Variants in CD1B observed in about 807,000 individuals in gnomAD.
CD1B encodes T-cell surface glycoprotein CD1b.
CD1B carries 43 observed loss-of-function variants against 39.8 expected under a neutral mutation model. The observed-to-expected ratio is 1.08, with a 90% CI of 0.85 to 1.39. The LOEUF is 1.39. Ranked by LOEUF, CD1B falls within the 40% of genes most tolerant of loss-of-function variation. CD1B has a pLI of 0.00. For synonymous variants in CD1B, 192 were observed against 152.5 expected, an observed-to-expected ratio of 1.26 and a Z score of -1.91; for missense variants, 495 against 403.8, an observed-to-expected ratio of 1.23 and a Z score of -1.94.
the CD1B span, chr1:158,293,343 T>C: frequency 6.3e-7 from 1 of 1,596,846 alleles, no homozygotes; most frequent in Non-Finnish European, 8.6e-7. Flanking sequence ...CAGTTTCTTA[T>C]TTCACATTCC....
the CD1B span, among the ~76,000 whole-genome samples, chr1:158,288,925 A>T: frequency 1.3e-5 from 2 of 152,256 alleles, no homozygotes; most frequent in Non-Finnish European, 2.9e-5. Flanking sequence ...TGTTTTGGTC[A>T]GATCACAAAA....
the CD1B span, among the ~76,000 whole-genome samples, chr1:158,289,302 T>C: frequency 9.9e-5 from 15 of 152,228 alleles, no homozygotes. Context: ...ATCAACCATG[T>C]ACTATGTAAT....
chr1:158,316,230 C>T, the CD1B span, among the ~76,000 whole-genome samples: 2 of 152,020 alleles, frequency 1.3e-5, no homozygotes, highest in African/African-American at 4.8e-5. Context: ...GGCATTGAAT[C>T]TGTAAATTAC....
the CD1B span, among the ~76,000 whole-genome samples, chr1:158,301,691 C>T: frequency 3.3e-5 from 5 of 152,076 alleles, no homozygotes; most frequent in Admixed American, 6.5e-5. Context: ...TTGTGGAACC[C>T]GACTTTTCTT....
the CD1B span, among the ~76,000 whole-genome samples, chr1:158,317,299 T>A: frequency 6.6e-6 from 1 of 152,188 alleles, no homozygotes; most frequent in Non-Finnish European, 1.5e-5. Flanking sequence ...TCCTGGACTC[T>A]TTTTTGTTGG....
the CD1B span, among the ~76,000 whole-genome samples, chr1:158,306,472 A>T: frequency 1.3e-4 from 20 of 152,144 alleles, no homozygotes; most frequent in Admixed American, 1.3e-3. Context: ...CTCCCACACA[A>T]TAATAATGGG....
At position 158,329,465 on chromosome 1, in the gene CD1B, C is replaced by G. The variant is rs753418157; in HGVS notation, c.791G>C (p.Arg264Pro). The change falls in exon 4 of 6, where the codon CGA becomes CCA. Residue 264 changes from arginine (R) to proline (P), a missense_variant. Arg to Pro is a moderately radical substitution (Grantham distance 103). Transcript: ENST00000368168. ...LPNANWTWYL[R>P]ATLDVADGEA... ...CCCATCTGCCACATCCAGGGTTGCT[C>G]GGAGATACCATGTCCAGTTAGCATT... 1 of 1,614,146 alleles carries G rather than the reference C, an allele frequency of 6.2e-7. No individual in the cohort carries two copies. Among genetic ancestry groups the G allele is most frequent in the Non-Finnish European group, 8.5e-7 (1 of 1,180,018 alleles).
the CD1B span, among the ~76,000 whole-genome samples, chr1:158,315,400 A>T: frequency 6.6e-6 from 1 of 151,766 alleles, no homozygotes; most frequent in Admixed American, 6.6e-5. Context: ...CATTTCTCTG[A>T]TGGCCAGTGA....
At chr1:158,293,648 C>A in the CD1B span, 2 of 1,495,980 alleles carry the variant, frequency 1.3e-6, no homozygotes, top group East Asian at 2.4e-5. Flanking sequence ...CTTGGAATCT[C>A]CACTTTTTAT....
chr1:158,329,985 C>G lies in CD1B; in HGVS notation c.474G>C (p.Arg158Ser). The G allele has an allele frequency of 6.2e-7, 1 of 1,614,006 alleles. No homozygotes were observed. Among genetic ancestry groups the G allele is most frequent in the African/African-American group, 1.3e-5 (1 of 74,968 alleles). The stretch of plus-strand genomic sequence containing the variant: ...TGATTAGTGCACAGAATTTCTGTGC[C>G]CTGCTGCCACCTTCTGGGGAAGGCA... ...SCVPSPEGGSRAQKFCALIIQ... is the reference protein window; with the variant it reads ...SCVPSPEGGSSAQKFCALIIQ... Residue 158 changes from arginine (R) to serine (S), a missense_variant, in exon 3 of 6, where the codon AGG (arginine) becomes AGC (serine). By Grantham distance (110) the Arg-to-Ser change is moderately radical. Transcript: ENST00000368168.
the CD1B span, among the ~76,000 whole-genome samples, chr1:158,302,141 T>A: frequency 6.6e-6 from 1 of 152,128 alleles, no homozygotes; most frequent in South Asian, 2.1e-4. Context: ...CAAGAAGAGC[T>A]CTGAAAAACT....
chr1:158,303,470 G>A, the CD1B span, among the ~76,000 whole-genome samples: 2 of 152,046 alleles, frequency 1.3e-5, no homozygotes, highest in African/African-American at 2.4e-5. Context: ...TAAAAAGAGA[G>A]GAAGTTAAAT....
the CD1B span, chr1:158,290,152 G>T: frequency 6.2e-7 from 1 of 1,604,946 alleles, no homozygotes; most frequent in Non-Finnish European, 8.5e-7. Context: ...CAGCTGCAAG[G>T]TTACATGTAT....
At chr1:158,289,622 G>A in the CD1B span, among the ~76,000 whole-genome samples, 2 of 152,192 alleles carry the variant, frequency 1.3e-5, no homozygotes, top group Non-Finnish European at 2.9e-5. Flanking sequence ...ACACTATGGA[G>A]AGTGGAGGCA....
chr1:158,303,726 G>A, the CD1B span, among the ~76,000 whole-genome samples: 1 of 151,976 alleles, frequency 6.6e-6, no homozygotes, highest in African/African-American at 2.4e-5. Context: ...GAAAGTGAAA[G>A]ATCTCTACAA....
the CD1B span, among the ~76,000 whole-genome samples, chr1:158,297,065 A>G: frequency 4.6e-5 from 7 of 152,300 alleles, no homozygotes; most frequent in Non-Finnish European, 8.8e-5. Context: ...CAACTTCACT[A>G]TAGAGGTCAA....
the CD1B span, among the ~76,000 whole-genome samples, chr1:158,320,017 G>A: frequency 4.3e-3 from 648 of 152,304 alleles, 6 homozygotes; most frequent in African/African-American, 0.014. Flanking sequence ...CAGTCTGCCC[G>A]TTCTCAGATC....
At chr1:158,308,013 G>A in the CD1B span, among the ~76,000 whole-genome samples, 3 of 152,108 alleles carry the variant, frequency 2.0e-5, no homozygotes, top group African/African-American at 7.2e-5. Flanking sequence ...GGAAATAAAG[G>A]GTATTGAATT....
chr1:158,319,981 A>G, the CD1B span, among the ~76,000 whole-genome samples: 2 of 152,196 alleles, frequency 1.3e-5, no homozygotes, highest in Non-Finnish European at 2.9e-5. Flanking sequence ...CTCGGGAGTC[A>G]GGGGTCAGGG....
Sources: allele counts gnomAD v4.1 joint callset (sites outside exome capture counted in the v4.1 genomes callset), GRCh38; gene constraint gnomAD v4.1.1; transcripts MANE v1.5; gene names NCBI Gene and HGNC (gene_info 2026-07-23, HGNC 2026-07-21).